The following RTF1 variants were observed in gnomAD, a reference collection of about 807,000 sequenced individuals.
RTF1 encodes RNA polymerase-associated protein RTF1 homolog.
In RTF1, 10 loss-of-function variants were observed where a neutral mutation model predicts 95.7. That is an observed-to-expected ratio of 0.10 (90% CI 0.06 to 0.18). RTF1 has a LOEUF of 0.18. Ranked by LOEUF, RTF1 falls within the 10% of genes least tolerant of loss-of-function variation. RTF1 has a pLI of 1.00. For synonymous variants in RTF1, 305 were observed against 311.8 expected, an observed-to-expected ratio of 0.98 and a Z score of 0.23; for missense variants, 458 against 875.6, an observed-to-expected ratio of 0.52 and a Z score of 6.02.
chr15:41,441,214 G>A (rs1196875069), intron 2 of RTF1, among the ~76,000 whole-genome samples: 3 of 151,604 alleles, frequency 2.0e-5, no homozygotes, highest in African/African-American at 7.3e-5. Context: ...CTTGTGATCC[G>A]CCCGCCTCGG....
intron 1 of RTF1, among the ~76,000 whole-genome samples, chr15:41,429,784 G>A (rs1425497746): frequency 6.6e-6 from 1 of 151,772 alleles, no homozygotes; most frequent in African/African-American, 2.4e-5. Flanking sequence ...CTCAGCCTCA[G>A]TGCCTCAGAG....
At chr15:41,473,442 GT>G (rs756423671) in intron 8 of RTF1, among the ~76,000 whole-genome samples, 8,106 of 138,490 alleles carry the variant, frequency 0.059, 447 homozygotes, top group African/African-American at 0.15. Flanking sequence ...CAGGTGTTGG[GT>G]TTTTTTTTTT....
intron 1 of RTF1, 40 bp downstream of exon 1, chr15:41,417,353 AG>A: frequency 8.0e-7 from 1 of 1,244,572 alleles, no homozygotes; most frequent in Non-Finnish European, 1.0e-6. Flanking sequence ...GCGGAGCCAG[AG>A]GGCTGTCGGG....
chr15:41,427,532 A>G (rs1277435355), intron 1 of RTF1, among the ~76,000 whole-genome samples: 1 of 151,892 alleles, frequency 6.6e-6, no homozygotes, highest in East Asian at 1.9e-4. Context: ...AAAGCTACAT[A>G]AGCTGGGTGT....
At chr15:41,460,121 G>GTTTTTTTTTTTTT (rs869235078) in intron 4 of RTF1, among the ~76,000 whole-genome samples, 1 of 83,440 alleles carries the variant, frequency 1.2e-5, no homozygotes, top group Non-Finnish European at 2.6e-5. Flanking sequence ...TTTTGTTTTT[G>GTTTTTTTTTTTTT]TTTTTTTTTT....
intron 1 of RTF1, among the ~76,000 whole-genome samples, chr15:41,423,644 C>T (rs1428164422): frequency 6.6e-6 from 1 of 152,102 alleles, no homozygotes; most frequent in Non-Finnish European, 1.5e-5. Context: ...GCTGGGATTA[C>T]AGGGGTGAGC....
rs1220232189 is a variant in RTF1 at position 41,462,786 on chromosome 15, C to T, written c.663-1985C>T. Among the ~76,000 whole-genome samples, 5 of 152,100 alleles carry T rather than the reference C, an allele frequency of 3.3e-5. 1 individual carries two copies. Among genetic ancestry groups the T allele is most frequent in the African/African-American group, 7.2e-5 (3 of 41,406 alleles). ...TGTTGTTGTTATCAAGACAGGGTCT[C>T]GTTCTGTCACCCAGGCTGGAGTGCT... On this transcript the variant is annotated intron_variant, in intron 4 of 17. Coordinates refer to ENST00000389629, the MANE Select transcript of RTF1 (RefSeq NM_015138.5).
intron 1 of RTF1, among the ~76,000 whole-genome samples, chr15:41,428,948 G>T (rs1389240608): frequency 6.6e-6 from 1 of 152,060 alleles, no homozygotes; most frequent in Non-Finnish European, 1.5e-5. Flanking sequence ...TGTTGGCCAG[G>T]CTGGTCTCAA....
chr15:41,471,376 G>A (rs536980102), intron 8 of RTF1, 27 bp downstream of exon 8: 56 of 1,590,364 alleles, frequency 3.5e-5, no homozygotes, highest in Non-Finnish European at 4.4e-5. Context: ...TTGGACAATT[G>A]TCCATGCTTT....
chr15:41,445,476 T>C (rs1396168313), intron 2 of RTF1, among the ~76,000 whole-genome samples: 2 of 152,242 alleles, frequency 1.3e-5, no homozygotes, highest in Non-Finnish European at 2.9e-5. Flanking sequence ...TTTGTGCTTT[T>C]GTCTTCATAA....
At position 41,427,776 on chromosome 15, in the gene RTF1, C is replaced by T. The variant is rs560433094; in HGVS notation, c.198+10463C>T. Among the ~76,000 whole-genome samples the T allele has an allele frequency of 3.3e-5, 5 of 152,114 alleles. No individual in the cohort carries two copies. The East Asian group carries it at 9.7e-4, about 29-fold the overall frequency. On this transcript the variant is annotated intron_variant, in intron 1 of 17. Coordinates refer to ENST00000389629, the MANE Select transcript of RTF1 (RefSeq NM_015138.5). ...AATAAGCAGATGCTACTTGGCATAC[C>T]TATGGTGTCAAGTTTTATTTTTTTT...
In RTF1 at chr15:41,477,203, A is replaced by T. The variant is rs778982983; in HGVS notation, c.1599A>T (p.Lys533Asn). ...AEDLGDQDKA[K>N]QIQDQLNELE... ...ACCTGGGGGATCAGGACAAGGCCAA[A>T]CAAATCCAAGATCAACTGAATGAGC... The change falls in exon 13 of 18, where the codon AAA (lysine) becomes AAT (asparagine). Residue 533 changes from lysine (K) to asparagine (N), a missense_variant. Physicochemically the swap from Lys to Asn is moderately conservative, Grantham distance 94. Around this residue, in one of 11 missense-constraint regions of RTF1, gnomAD observed 150 missense variants for 275.7 expected, o/e 0.54. Coordinates refer to ENST00000389629, the MANE Select transcript of RTF1 (RefSeq NM_015138.5). The T allele has an allele frequency of 6.2e-7, 1 of 1,614,244 alleles. No individual in the cohort carries two copies. The highest frequency in any genetic ancestry group is 8.5e-7 in the Non-Finnish European group (1 of 1,180,038).
chr15:41,442,485 T>C (rs1180316192), intron 2 of RTF1, among the ~76,000 whole-genome samples: 2 of 151,970 alleles, frequency 1.3e-5, no homozygotes, highest in Non-Finnish European at 1.5e-5. Context: ...ACGTCTTTCG[T>C]GGGTGAAAAA....
intron 2 of RTF1, among the ~76,000 whole-genome samples, chr15:41,439,710 G>A (rs1265344433): frequency 1.3e-5 from 2 of 152,080 alleles, no homozygotes; most frequent in African/African-American, 2.4e-5. Flanking sequence ...AGAGTGCAAC[G>A]GCACGATCTC....
chr15:41,426,157 G>A (rs541788839), intron 1 of RTF1, among the ~76,000 whole-genome samples: 24 of 151,944 alleles, frequency 1.6e-4, no homozygotes, highest in African/African-American at 5.5e-4. Flanking sequence ...GTGGAGTCTC[G>A]CTCTGTTGCC....
chr15:41,442,259 C>T (rs1267388888), intron 2 of RTF1, among the ~76,000 whole-genome samples: 1 of 151,610 alleles, frequency 6.6e-6, no homozygotes, highest in Non-Finnish European at 1.5e-5. Context: ...GCTCTGCCTC[C>T]CGGGTTCACG....
chr15:41,466,039 C>G, intron 5 of RTF1, 102 bp from the exon 6 acceptor site: 1 of 690,946 alleles, frequency 1.4e-6, no homozygotes, highest in Non-Finnish European at 2.3e-6. Context: ...TTTTTGCAGC[C>G]CATATAGATT....
At chr15:41,450,568 G>A (rs1367950701) in intron 2 of RTF1, among the ~76,000 whole-genome samples, 4 of 149,032 alleles carry the variant, frequency 2.7e-5, no homozygotes, top group South Asian at 2.1e-4. Flanking sequence ...CTGGACGACA[G>A]AGTGAGACTC....
chr15:41,476,477 C>T lies in RTF1; in HGVS notation c.1514C>T (p.Ala505Val). The T allele has an allele frequency of 6.2e-7, 1 of 1,613,836 alleles. No homozygotes were observed. Among genetic ancestry groups the T allele is most frequent in the Non-Finnish European group, 8.5e-7 (1 of 1,179,772 alleles). ...IVKEKERFRK[A>V]PPNYAMKKTQ... ...AAAGAGAAAGAAAGGTTCAGAAAAG[C>T]TCCACCCAACTACGCTATGAAGAAG... The change falls in exon 12 of 18, where the codon GCT becomes GTT. Residue 505 changes from alanine to valine, a missense_variant. Ala to Val is a moderately conservative substitution (Grantham distance 64, BLOSUM62 0). Transcript: ENST00000389629.
Sources: allele counts gnomAD v4.1 joint callset (sites outside exome capture counted in the v4.1 genomes callset), GRCh38; gene constraint gnomAD v4.1.1; regional missense constraint gnomAD v4.1.1; transcripts MANE v1.5; gene names NCBI Gene and HGNC (gene_info 2026-07-23, HGNC 2026-07-21).